RBPJ: variants seen among roughly 807,000 people sequenced by gnomAD.
The protein encoded by RBPJ is recombination signal binding protein for immunoglobulin kappa J region, also known as recombining binding protein suppressor of hairless.
Under a neutral mutation model 67.8 loss-of-function variants are expected in RBPJ, and 9 were observed. The observed-to-expected ratio is 0.13, with a 90% CI of 0.08 to 0.23. The LOEUF is 0.23. Ranked by LOEUF, RBPJ falls within the 10% of genes least tolerant of loss-of-function variation. RBPJ has a pLI of 1.00. For missense variants in RBPJ, 305 were observed against 595.6 expected (o/e 0.51, Z 5.08); for synonymous variants, 198 against 203.3 (o/e 0.97, Z 0.22).
At chr4:26,182,297 G>C (rs112496675) in intron 1 of RBPJ, among the ~76,000 whole-genome samples, 58 of 151,666 alleles carry the variant, frequency 3.8e-4, no homozygotes, top group African/African-American at 1.3e-3. Flanking sequence ...AGCCGAGATC[G>C]CGCCACTGCA....
the RBPJ span, among the ~76,000 whole-genome samples, chr4:26,109,731 A>G: frequency 1.5e-4 from 12 of 79,876 alleles, 2 homozygotes; most frequent in Admixed American, 3.7e-4. Context: ...CTCTCTCTCT[A>G]TATATATATA....
At chr4:26,293,476 A>T (rs866875455) in intron 1 of RBPJ, among the ~76,000 whole-genome samples, 25 of 149,302 alleles carry the variant, frequency 1.7e-4, no homozygotes, top group Middle Eastern at 3.2e-3. Flanking sequence ...CTCACAAAAA[A>T]TTTTTTTTAA....
At chr4:26,403,325 A>G (rs1444054471) in intron 2 of RBPJ, among the ~76,000 whole-genome samples, 3 of 152,056 alleles carry the variant, frequency 2.0e-5, no homozygotes, top group Non-Finnish European at 2.9e-5. Context: ...TTTAATCATA[A>G]TGAATAACCA....
In RBPJ at chr4:26,422,260, G is replaced by GT. The variant is rs552320641; in HGVS notation, c.496+1536dup. Among the ~76,000 whole-genome samples, 257 of 150,996 alleles carry GT rather than the reference G, an allele frequency of 1.7e-3. 2 individuals are homozygous for GT. Among genetic ancestry groups the GT allele is most frequent in the African/African-American group, 5.9e-3 (242 of 41,136 alleles). On this transcript the variant is annotated intron_variant, in intron 5 of 10. Transcript: ENST00000355476. ...GATTGATTATAGTAGTTCAGCTGTT[G>GT]TAAGTCTATTCCACCCATAAAGTTC...
intron 3 of RBPJ, among the ~76,000 whole-genome samples, chr4:26,414,458 C>T (rs930490923): frequency 2.6e-5 from 4 of 152,166 alleles, no homozygotes; most frequent in South Asian, 2.1e-4. Flanking sequence ...TATGGGTCAC[C>T]GCGCCCAGCC....
At chr4:26,224,759 A>T (rs895427497) in intron 1 of RBPJ, among the ~76,000 whole-genome samples, 1 of 152,252 alleles carries the variant, frequency 6.6e-6, no homozygotes, top group Non-Finnish European at 1.5e-5. Context: ...TGCTAAATGT[A>T]TGCCAGTCAG....
intron 1 of RBPJ, among the ~76,000 whole-genome samples, chr4:26,251,595 G>T (rs1276859041): frequency 7.0e-6 from 1 of 143,602 alleles, no homozygotes; most frequent in African/African-American, 2.6e-5. Flanking sequence ...CGGAAATCAT[G>T]CCACTGCACA....
rs150372857 is a variant in RBPJ at position 26,326,777 on chromosome 4, A to G, written c.20+5729A>G. On this transcript the variant is annotated intron_variant, in intron 1 of 10. Transcript: ENST00000355476. ...GTTCTATACAAATATTTTAATTACTATAAGAATCAGTTTCCTCTGGTAACC... is the reference window on the plus strand; with the variant it reads ...GTTCTATACAAATATTTTAATTACTGTAAGAATCAGTTTCCTCTGGTAACC... Among the ~76,000 whole-genome samples the G allele has an allele frequency of 1.5e-3, 230 of 152,296 alleles. 1 individual carries two copies. The highest frequency in any genetic ancestry group is 5.3e-3 in the African/African-American group (219 of 41,562).
chr4:26,364,225 ATTC>A (rs759250784), intron 1 of RBPJ, among the ~76,000 whole-genome samples: 1 of 152,224 alleles, frequency 6.6e-6, no homozygotes, highest in South Asian at 2.1e-4. Flanking sequence ...TAGCAGTTAT[ATTC>A]TTAATGGAAT....
the RBPJ span, among the ~76,000 whole-genome samples, chr4:26,135,592 C>A: frequency 1.3e-5 from 2 of 152,050 alleles, no homozygotes; most frequent in African/African-American, 4.8e-5. Flanking sequence ...GCCTGAGGCT[C>A]TTTCCAGCCT....
At chr4:26,282,398 A>T (rs1721305271) in intron 1 of RBPJ, among the ~76,000 whole-genome samples, 1 of 152,218 alleles carries the variant, frequency 6.6e-6, no homozygotes. Flanking sequence ...AAACAAAATT[A>T]TCTGATAAAA....
At chr4:26,322,645 A>G (rs1281357074) in intron 1 of RBPJ, among the ~76,000 whole-genome samples, 1 of 142,182 alleles carries the variant, frequency 7.0e-6, no homozygotes, top group Non-Finnish European at 1.5e-5. Flanking sequence ...TAAAAAGTAT[A>G]CGTATAATAT....
At chr4:26,288,502 C>T (rs751230309) in intron 1 of RBPJ, among the ~76,000 whole-genome samples, 13 of 152,186 alleles carry the variant, frequency 8.5e-5, no homozygotes, top group Non-Finnish European at 1.3e-4. Context: ...CTTATTCTCA[C>T]GGGTTGCACA....
the RBPJ span, among the ~76,000 whole-genome samples, chr4:26,150,695 A>G: frequency 2.0e-5 from 3 of 152,220 alleles, no homozygotes; most frequent in Non-Finnish European, 4.4e-5. Flanking sequence ...TACATGATTA[A>G]GTCCATAGGG....
intron 2 of RBPJ, among the ~76,000 whole-genome samples, chr4:26,397,022 C>T (rs1732189078): frequency 1.3e-5 from 2 of 152,122 alleles, no homozygotes; most frequent in African/African-American, 2.4e-5. Flanking sequence ...CAGGAAGCTT[C>T]CTTGGAAGAA....
Position 26,215,282 on chromosome 4 carries a change from G to GGAA in RBPJ, c.-167+51668_-167+51669insGAA, listed in dbSNP as rs1374534354. ...AAGGAAGGGAGGGAGGAAAAAGAGAGAGAAAGAAAGAGAAAAAGAGAGAGA... is the reference window on the plus strand; with the variant it reads ...AAGGAAGGGAGGGAGGAAAAAGAGAGGAAAGAAAGAAAGAGAAAAAGAGAGAGA... On this transcript the variant is annotated intron_variant, in intron 1 of 4. Transcript: ENST00000512351. Among the ~76,000 whole-genome samples, 109 of 133,844 alleles carry GGAA rather than the reference G, an allele frequency of 8.1e-4. 1 individual carries two copies. The highest frequency in any genetic ancestry group is 1.3e-3 in the Non-Finnish European group (79 of 63,162). 87.8% of individuals were successfully genotyped at this position (133,844 alleles called of 152,430 possible).
At chr4:26,281,472 G>T (rs1721271979) in intron 1 of RBPJ, among the ~76,000 whole-genome samples, 3 of 152,020 alleles carry the variant, frequency 2.0e-5, no homozygotes, top group African/African-American at 7.3e-5. Context: ...TAGACATGGG[G>T]TTTCACTATG....
intron 2 of RBPJ, among the ~76,000 whole-genome samples, chr4:26,396,858 C>A (rs1258646717): frequency 1.3e-5 from 2 of 152,202 alleles, no homozygotes; most frequent in African/African-American, 4.8e-5. Flanking sequence ...AGGACCTGTA[C>A]TGTTGTTTAG....
the RBPJ span, among the ~76,000 whole-genome samples, chr4:26,130,339 C>T: frequency 6.6e-6 from 1 of 152,212 alleles, no homozygotes; most frequent in African/African-American, 2.4e-5. Flanking sequence ...GTTACATCTT[C>T]TCACTATGAG....
Sources: gnomAD v4.1 joint callset for allele counts (sites outside exome capture counted in the v4.1 genomes callset) on GRCh38, gnomAD v4.1.1 for gene constraint, MANE v1.5 for transcripts, NCBI Gene and HGNC (gene_info 2026-07-23, HGNC 2026-07-21) for gene names.